The following RSRP1 variants were observed in gnomAD, a reference collection of about 807,000 sequenced individuals.
RSRP1 encodes the protein arginine and serine rich protein 1, also known as arginine/serine-rich protein 1.
A neutral mutation model predicts 33.0 loss-of-function variants in RSRP1; 37 were observed. The observed-to-expected ratio is 1.12, with a 90% CI of 0.86 to 1.48. The LOEUF is 1.48. Among genes scored for constraint, RSRP1 ranks in the 40% most tolerant of loss-of-function variants. The probability of loss-of-function intolerance (pLI) is 0.00; values close to 1 mark genes in which losing one functional copy is unlikely to be tolerated. For missense variants in RSRP1, 402 were observed against 385.3 expected, an observed-to-expected ratio of 1.04 and a Z score of -0.36; for synonymous variants, 167 against 158.7, an observed-to-expected ratio of 1.05 and a Z score of -0.40.
intron 1 of RSRP1, among the ~76,000 whole-genome samples, chr1:25,257,893 G>T (rs569657447): frequency 6.6e-6 from 1 of 152,144 alleles, no homozygotes; most frequent in Non-Finnish European, 1.5e-5. Flanking sequence ...TTACAGGCGT[G>T]AGCCACCATA....
chr1:25,295,880 G>C (rs763902157), intron 1 of RSRP1, among the ~76,000 whole-genome samples: 17 of 39,588 alleles, frequency 4.3e-4, no homozygotes, highest in Admixed American at 9.8e-4. Context: ...TTTTTTTTTT[G>C]AGATGGAGTT....
At chr1:25,279,501 G>C (rs1396530855) in intron 1 of RSRP1, among the ~76,000 whole-genome samples, 1 of 125,042 alleles carries the variant, frequency 8.0e-6, no homozygotes, top group Non-Finnish European at 1.9e-5. Context: ...GGTAGGGTTT[G>C]AATCCTCCTG....
upstream of RSRP1, among the ~76,000 whole-genome samples, chr1:25,250,542 A>C (rs533362131): frequency 2.6e-5 from 4 of 152,280 alleles, no homozygotes; most frequent in South Asian, 8.3e-4. Flanking sequence ...TCCATTCCCT[A>C]ATTTCCTGGA....
chr1:25,259,389 G>A (rs952804231), intron 1 of RSRP1, among the ~76,000 whole-genome samples: 53 of 151,158 alleles, frequency 3.5e-4, no homozygotes, highest in African/African-American at 9.2e-4. Flanking sequence ...CACTGTGCCC[G>A]GCCTTGTTTG....
At chr1:25,260,262 T>A (rs1640090059) in intron 1 of RSRP1, among the ~76,000 whole-genome samples, 1 of 152,220 alleles carries the variant, frequency 6.6e-6, no homozygotes, top group East Asian at 1.9e-4. Context: ...TACACAATAC[T>A]TGAAAAATAA....
chr1:25,303,462 A>C lies in RSRP1; in HGVS notation c.-67+34516T>G. On this transcript the variant is annotated intron_variant, in intron 1 of 1. Coordinates refer to the RSRP1 transcript ENST00000561867. ...TCGGGGGAGCCAAGTACCTGCCGGTAAGAAACTAGACAACTAACCTCCTCT... is the reference window on the plus strand; with the variant it reads ...TCGGGGGAGCCAAGTACCTGCCGGTCAGAAACTAGACAACTAACCTCCTCT... The C allele has an allele frequency of 1.5e-6, 2 of 1,378,904 alleles. 1 individual carries two copies. The highest frequency in any genetic ancestry group is 2.0e-6 in the Non-Finnish European group (2 of 978,744). 85.4% of individuals were successfully genotyped at this position (1,378,904 alleles called of 1,614,324 possible).
Position 25,272,395 on chromosome 1 carries a change from C to A in RSRP1, c.-66-25366G>T. 5 of 1,106,346 alleles carry A rather than the reference C, an allele frequency of 4.5e-6. 2 individuals carry two copies. The highest frequency in any genetic ancestry group is 2.6e-6 in the Non-Finnish European group (2 of 764,374). The allele number at this position is 1,106,346 out of a possible 1,614,324, so 68.5% of individuals were successfully genotyped here. A position where few individuals can be genotyped will look rare whatever the true frequency, so the allele number is the denominator to read the frequency against. On this transcript the variant is annotated intron_variant, in intron 1 of 1. Transcript: ENST00000561867. ...CATAGTCCCTCTGCTTCCGTGTTAA[C>A]TCCATAGAGAGGCCAGCACAACCAG...
intron 1 of RSRP1, among the ~76,000 whole-genome samples, chr1:25,316,296 T>C (rs1219230382): frequency 2.3e-5 from 3 of 128,810 alleles, no homozygotes; most frequent in African/African-American, 8.0e-5. Flanking sequence ...CCAAGAGAAA[T>C]AGAACCTTCA....
intron 1 of RSRP1, among the ~76,000 whole-genome samples, chr1:25,276,532 T>A (rs1237643439): frequency 2.0e-4 from 13 of 64,782 alleles, no homozygotes; most frequent in African/African-American, 8.7e-4. Flanking sequence ...CCCCCATCTC[T>A]AAAAAAAAAA....
In RSRP1 at chr1:25,276,204, T is replaced by C. The variant is rs186708387; in HGVS notation, c.-66-29175A>G. 5.3e-4 allele frequency among the ~76,000 whole-genome samples: 69 copies of C among 131,104 alleles called. 7 individuals carry two copies. The highest frequency in any genetic ancestry group is 1.8e-3 in the African/African-American group (68 of 38,416). The allele number at this position is 131,104 out of a possible 152,430, so 86.0% of individuals were successfully genotyped here. On this transcript the variant is annotated intron_variant, in intron 1 of 1. Transcript: ENST00000561867. ...GCATGGTGGGTTGTTTTTGTTTTTG[T>C]TTTTTAAGTCTCCATCTGTTAGAGA...
At chr1:25,254,581 G>A (rs938780757) in intron 1 of RSRP1, among the ~76,000 whole-genome samples, 4 of 152,036 alleles carry the variant, frequency 2.6e-5, no homozygotes, top group Admixed American at 2.0e-4. Flanking sequence ...GATTATAGGC[G>A]CCTGCCACCA....
rs1644366731 is a variant in RSRP1, at chr1:25,315,085, T to C, written c.-67+22893A>G. ...TGGGCGTTGTGGCTCTTGCCTGTAG[T>C]CTCAGCTACTCGGGAGGCTGAGATC... On this transcript the variant is annotated intron_variant, in intron 1 of 1. Transcript: ENST00000561867. 1.6e-5 allele frequency among the ~76,000 whole-genome samples: 2 copies of C among 128,174 alleles called. 1 individual carries two copies. Among genetic ancestry groups the C allele is most frequent in the Admixed American group, 1.5e-4 (2 of 13,088 alleles). 84.1% of individuals were successfully genotyped at this position (128,174 alleles called of 152,430 possible).
chr1:25,287,577 A>C (rs1313798320), intron 1 of RSRP1, among the ~76,000 whole-genome samples: 3 of 134,614 alleles, frequency 2.2e-5, no homozygotes, highest in Non-Finnish European at 3.5e-5. Flanking sequence ...CTTGGGACTG[A>C]TTTGGTTCTG....
At chr1:25,329,106 A>C (rs1206964858) in intron 1 of RSRP1, 1 of 1,245,076 alleles carries the variant, frequency 8.0e-7, no homozygotes, top group Admixed American at 2.1e-5. Context: ...GAATCTCACC[A>C]TTTATTATGC....
chr1:25,257,749 G>A (rs1439690512), intron 1 of RSRP1, among the ~76,000 whole-genome samples: 8 of 152,056 alleles, frequency 5.3e-5, no homozygotes, highest in East Asian at 1.9e-4. Flanking sequence ...ACAGGCACAC[G>A]TCTCCATGCC....
Position 25,312,950 on chromosome 1 carries a change from A to AAAAAAC in RSRP1, c.-67+25022_-67+25027dup, listed in dbSNP as rs1644241440. Among the ~76,000 whole-genome samples the AAAAAAC allele has an allele frequency of 2.7e-5, 3 of 111,966 alleles. 1 individual carries two copies. The highest frequency in any genetic ancestry group is 8.7e-5 in the African/African-American group (3 of 34,472). The allele number at this position is 111,966 out of a possible 152,430, so 73.5% of individuals were successfully genotyped here. ...AAAAAAAAAAAAAAAAAAAAAAAAA[A>AAAAAAC]AAAAACTTTAGTGCTATTGGAATGA... On this transcript the variant is annotated intron_variant, in intron 1 of 1. Transcript: ENST00000561867.
chr1:25,244,913 G>A, intron 3 of RSRP1: 1 of 1,353,286 alleles, frequency 7.4e-7, no homozygotes, highest in South Asian at 1.5e-5. Context: ...TGAACTCCTG[G>A]ACTCAAGCCA....
rs557746335 is a variant in RSRP1, at chr1:25,276,532, T to TAAAAAA, written c.-66-29509_-66-29504dup. On this transcript the variant is annotated intron_variant, in intron 1 of 1. Coordinates refer to the RSRP1 transcript ENST00000561867. ...ACATAGGGAGACCCCCCCCCATCTCTAAAAAAAAAAAAAAAAAAAAAAACT... is the reference window on the plus strand; with the variant it reads ...ACATAGGGAGACCCCCCCCCATCTCTAAAAAAAAAAAAAAAAAAAAAAAAAAAAACT... Among the ~76,000 whole-genome samples, 106 of 64,778 alleles carry TAAAAAA rather than the reference T, an allele frequency of 1.6e-3. 9 individuals are homozygous for TAAAAAA. The highest frequency in any genetic ancestry group is 6.5e-3 in the African/African-American group (90 of 13,860). The allele number at this position is 64,778 out of a possible 152,430, so 42.5% of individuals were successfully genotyped here. A position where few individuals can be genotyped will look rare whatever the true frequency, so the allele number is the denominator to read the frequency against.
At chr1:25,256,399 T>C (rs1639950569) in intron 1 of RSRP1, among the ~76,000 whole-genome samples, 1 of 152,170 alleles carries the variant, frequency 6.6e-6, no homozygotes, top group African/African-American at 2.4e-5. Context: ...AGATCTTCCA[T>C]CCCAGTCAGC....
Sources: allele counts gnomAD v4.1 joint callset (sites outside exome capture counted in the v4.1 genomes callset), GRCh38; gene constraint gnomAD v4.1.1; transcripts MANE v1.5; gene names NCBI Gene and HGNC (gene_info 2026-07-23, HGNC 2026-07-21).